Variants in MAGI2 observed in about 807,000 individuals in gnomAD.
The protein encoded by MAGI2 is membrane-associated guanylate kinase, WW and PDZ domain-containing protein 2.
Under a neutral mutation model 133.3 loss-of-function variants are expected in MAGI2, and 35 were observed. That is an observed-to-expected ratio of 0.26 (90% CI 0.20 to 0.35). MAGI2 has a LOEUF of 0.35. Ranked by LOEUF, MAGI2 falls within the 10% of genes least tolerant of loss-of-function variation. The pLI, the probability that MAGI2 is intolerant of heterozygous loss-of-function variation, is 1.00. For missense variants in MAGI2, 1,636 were observed against 1,863.4 expected, an observed-to-expected ratio of 0.88 and a Z score of 2.25; for synonymous variants, 729 against 710.6, an observed-to-expected ratio of 1.03 and a Z score of -0.41.
intron 3 of MAGI2, among the ~76,000 whole-genome samples, chr7:78,626,046 T>C (rs1253308778): frequency 6.6e-6 from 1 of 152,202 alleles, no homozygotes; most frequent in African/African-American, 2.4e-5. Flanking sequence ...GGCCCAACTG[T>C]TAACGTGGCA....
At chr7:78,691,222 G>A (rs11971579) in intron 2 of MAGI2, among the ~76,000 whole-genome samples, 7,361 of 152,126 alleles carry the variant, frequency 0.048, 288 homozygotes, top group East Asian at 0.11. Flanking sequence ...CCACTCTTAC[G>A]TGCTTTCATA....
chr7:78,384,283 T>G (rs1365626272), intron 6 of MAGI2, among the ~76,000 whole-genome samples: 1 of 152,166 alleles, frequency 6.6e-6, no homozygotes, highest in Non-Finnish European at 1.5e-5. Context: ...TAACCTACTA[T>G]GAGCTAAGCA....
chr7:79,425,578 T>TTA (rs10639427), intron 1 of MAGI2, among the ~76,000 whole-genome samples: 52,031 of 130,726 alleles, frequency 0.4, 11,555 homozygotes, highest in Middle Eastern at 0.56. Context: ...AATAAGGGTT[T>TTA]TATATATATA....
At chr7:78,433,782 C>T (rs1800017376) in intron 6 of MAGI2, among the ~76,000 whole-genome samples, 1 of 152,078 alleles carries the variant, frequency 6.6e-6, no homozygotes, top group African/African-American at 2.4e-5. Context: ...TATTCTGATT[C>T]TCTTTTCACC....
intron 1 of MAGI2, among the ~76,000 whole-genome samples, chr7:79,133,591 G>T (rs574327733): frequency 6.6e-6 from 1 of 152,058 alleles, no homozygotes; most frequent in East Asian, 1.9e-4. Context: ...ATATCAATAT[G>T]TTCTGCAAAT....
chr7:78,766,444 T>C (rs939779633), intron 2 of MAGI2, among the ~76,000 whole-genome samples: 1 of 152,166 alleles, frequency 6.6e-6, no homozygotes, highest in Non-Finnish European at 1.5e-5. Context: ...GGCTCTGGAA[T>C]TTGAGCTGAG....
At position 79,240,263 on chromosome 7, in the gene MAGI2, A is replaced by G. The variant is rs1222197299; in HGVS notation, c.301+212757T>C. Among the ~76,000 whole-genome samples, 17 of 152,064 alleles carry G rather than the reference A, an allele frequency of 1.1e-4. 1 individual carries two copies. Among genetic ancestry groups the G allele is most frequent in the Admixed American group, 1.1e-3 (17 of 15,246 alleles). On this transcript the variant is annotated intron_variant, in intron 1 of 21. Coordinates refer to ENST00000354212, the MANE Select transcript of MAGI2 (RefSeq NM_012301.4). ...CAAAGGACTGTCTTCTAGGCAGAGG[A>G]AACAGGATCTGTGAAGGACCAGAAG...
chr7:78,574,821 T>C (rs927497457), intron 3 of MAGI2, among the ~76,000 whole-genome samples: 1 of 152,246 alleles, frequency 6.6e-6, no homozygotes, highest in African/African-American at 2.4e-5. Context: ...ATGTTAGGCA[T>C]TGGCAAGGTG....
chr7:78,933,822 T>C (rs1456610910), intron 2 of MAGI2, among the ~76,000 whole-genome samples: 1 of 152,036 alleles, frequency 6.6e-6, no homozygotes. Context: ...AGACAAAAAA[T>C]ATTGTTAATG....
chr7:78,049,015 G>A (rs1811729341), intron 21 of MAGI2, among the ~76,000 whole-genome samples: 3 of 151,732 alleles, frequency 2.0e-5, no homozygotes, highest in Admixed American at 6.6e-5. Context: ...GGCTGAGGCA[G>A]GGGAATCGCT....
chr7:79,216,270 T>C (rs1830031233), intron 1 of MAGI2, among the ~76,000 whole-genome samples: 1 of 151,868 alleles, frequency 6.6e-6, no homozygotes, highest in Admixed American at 6.6e-5. Flanking sequence ...GTCTTTCCAC[T>C]CCATCCCCTT....
chr7:79,023,155 A>T (rs1809514028), intron 1 of MAGI2, among the ~76,000 whole-genome samples: 1 of 147,000 alleles, frequency 6.8e-6, no homozygotes, highest in East Asian at 2.0e-4. Context: ...AGTGGGCTTT[A>T]TCCCTAGGAT....
chr7:78,553,877 G>T (rs545739250), intron 3 of MAGI2, among the ~76,000 whole-genome samples: 24 of 152,270 alleles, frequency 1.6e-4, no homozygotes, highest in Non-Finnish European at 3.4e-4. Flanking sequence ...AAATGGAAGG[G>T]AGTAGGGCCC....
chr7:79,099,911 C>A (rs1275143517), intron 1 of MAGI2, among the ~76,000 whole-genome samples: 2 of 151,996 alleles, frequency 1.3e-5, no homozygotes, highest in Admixed American at 6.6e-5. Flanking sequence ...TATTGTTTAG[C>A]CAAACAAAGA....
At chr7:79,008,376 T>C (rs1359251951) in intron 1 of MAGI2, among the ~76,000 whole-genome samples, 1 of 152,176 alleles carries the variant, frequency 6.6e-6, no homozygotes, top group Non-Finnish European at 1.5e-5. Context: ...TAGACTTACA[T>C]ATTGTAACAT....
chr7:79,345,773 G>A (rs577567843), intron 1 of MAGI2, among the ~76,000 whole-genome samples: 19 of 152,144 alleles, frequency 1.2e-4, no homozygotes, highest in South Asian at 6.2e-4. Flanking sequence ...GATAGTAACA[G>A]CTTTTTGAAA....
At chr7:78,644,479 T>C (rs1396377277) in intron 2 of MAGI2, among the ~76,000 whole-genome samples, 1 of 152,142 alleles carries the variant, frequency 6.6e-6, no homozygotes, top group Non-Finnish European at 1.5e-5. Context: ...CACAATAAAA[T>C]TAATTTAGAA....
At chr7:78,796,957 G>A (rs954901778) in intron 2 of MAGI2, among the ~76,000 whole-genome samples, 2 of 152,086 alleles carry the variant, frequency 1.3e-5, no homozygotes, top group Admixed American at 6.6e-5. Flanking sequence ...GAGTAGAATG[G>A]TTATTATCAC....
intron 7 of MAGI2, among the ~76,000 whole-genome samples, chr7:78,362,780 G>A (rs1479767041): frequency 6.6e-6 from 1 of 152,180 alleles, no homozygotes. Context: ...TATGCTTGTT[G>A]AATAGAGGAA....
Sources: gnomAD v4.1 joint callset for allele counts (sites outside exome capture counted in the v4.1 genomes callset) on GRCh38, gnomAD v4.1.1 for gene constraint, MANE v1.5 for transcripts, NCBI Gene and HGNC (gene_info 2026-07-23, HGNC 2026-07-21) for gene names.